KDM4C: variants seen among roughly 807,000 people sequenced by gnomAD.
The protein encoded by KDM4C is lysine-specific demethylase 4C.
Under a neutral mutation model 129.3 loss-of-function variants are expected in KDM4C, and 81 were observed. That is an observed-to-expected ratio of 0.63 (90% CI 0.52 to 0.75). The LOEUF is 0.75. KDM4C is among the 30% of genes least tolerant of loss of function. The pLI is 0.00. For missense variants in KDM4C, 1,457 were observed against 1,304.0 expected, an observed-to-expected ratio of 1.12 and a Z score of -1.81; for synonymous variants, 573 against 456.1, an observed-to-expected ratio of 1.26 and a Z score of -3.26.
intron 5 of KDM4C, among the ~76,000 whole-genome samples, chr9:6,853,066 C>G (rs1839148142): frequency 6.6e-6 from 1 of 151,906 alleles, no homozygotes; most frequent in African/African-American, 2.4e-5. Flanking sequence ...GAATCATCAG[C>G]ACTTAACACA....
chr9:6,803,202 G>C (rs1829332367), intron 2 of KDM4C, among the ~76,000 whole-genome samples: 1 of 152,068 alleles, frequency 6.6e-6, no homozygotes, highest in African/African-American at 2.4e-5. Flanking sequence ...TGTTTGCTTT[G>C]TAATAATTCA....
intron 3 of KDM4C, among the ~76,000 whole-genome samples, chr9:6,811,818 T>G (rs537435622): frequency 4.6e-5 from 7 of 152,206 alleles, no homozygotes; most frequent in African/African-American, 1.2e-4. Flanking sequence ...GCCCTGGAGC[T>G]CACCTCTTAA....
At chr9:6,782,498 A>G (rs1276629616) in intron 1 of KDM4C, among the ~76,000 whole-genome samples, 1 of 152,172 alleles carries the variant, frequency 6.6e-6, no homozygotes, top group Non-Finnish European at 1.5e-5. Context: ...GATTTAATTA[A>G]GAGAATGAAC....
intron 15 of KDM4C, among the ~76,000 whole-genome samples, chr9:7,044,518 G>A (rs1829098581): frequency 6.6e-6 from 1 of 151,940 alleles, no homozygotes; most frequent in Admixed American, 6.6e-5. Flanking sequence ...AGAACAGGGT[G>A]GATTTGGAGG....
At chr9:6,940,751 A>T (rs539691730) in intron 8 of KDM4C, among the ~76,000 whole-genome samples, 1 of 152,216 alleles carries the variant, frequency 6.6e-6, no homozygotes, top group African/African-American at 2.4e-5. Flanking sequence ...ATCATAAGAC[A>T]TGTAACTACC....
intron 8 of KDM4C, among the ~76,000 whole-genome samples, chr9:6,922,772 A>G (rs1821769352): frequency 6.6e-6 from 1 of 152,226 alleles, no homozygotes; most frequent in Non-Finnish European, 1.5e-5. Flanking sequence ...ACAGCCTTCC[A>G]ACATATCCTC....
intron 8 of KDM4C, among the ~76,000 whole-genome samples, chr9:6,948,935 C>A (rs1272426020): frequency 1.3e-5 from 2 of 152,092 alleles, no homozygotes; most frequent in South Asian, 2.1e-4. Context: ...CCCCACATTT[C>A]CCCCTTCTCT....
At chr9:6,778,751 A>G (rs749337791) in intron 1 of KDM4C, among the ~76,000 whole-genome samples, 4 of 151,256 alleles carry the variant, frequency 2.6e-5, no homozygotes, top group Non-Finnish European at 5.9e-5. Context: ...TGGGTAACAG[A>G]GCAAGACTCT....
At chr9:6,836,199 C>A (rs904423378) in intron 4 of KDM4C, among the ~76,000 whole-genome samples, 12 of 152,088 alleles carry the variant, frequency 7.9e-5, no homozygotes, top group African/African-American at 2.7e-4. Flanking sequence ...CGCCTGTAAT[C>A]CCAACACTTT....
chr9:6,837,496 T>G (rs1324603491), intron 4 of KDM4C, among the ~76,000 whole-genome samples: 2 of 152,234 alleles, frequency 1.3e-5, no homozygotes, highest in Non-Finnish European at 2.9e-5. Context: ...TTTAAAAGCT[T>G]CTTCATGCTG....
intron 1 of KDM4C, among the ~76,000 whole-genome samples, chr9:6,741,499 C>A (rs1222334554): frequency 6.6e-6 from 1 of 152,134 alleles, no homozygotes; most frequent in Non-Finnish European, 1.5e-5. Flanking sequence ...GTTCTTCATT[C>A]ATTTCTTATG....
At chr9:7,121,107 G>C (rs1434357857) in intron 18 of KDM4C, among the ~76,000 whole-genome samples, 5 of 152,152 alleles carry the variant, frequency 3.3e-5, no homozygotes, top group Non-Finnish European at 7.3e-5. Context: ...ATACATATCT[G>C]TGTGAGTGAC....
intron 1 of KDM4C, among the ~76,000 whole-genome samples, chr9:6,736,155 GA>G (rs1477673930): frequency 6.6e-6 from 1 of 152,130 alleles, no homozygotes; most frequent in Non-Finnish European, 1.5e-5. Context: ...TTCGCGTGGT[GA>G]CTTGGGTGCT....
chr9:6,742,888 C>A (rs890363784), intron 1 of KDM4C, among the ~76,000 whole-genome samples: 1 of 151,854 alleles, frequency 6.6e-6, no homozygotes, highest in Non-Finnish European at 1.5e-5. Flanking sequence ...TCTGGGGAGA[C>A]CCATGGGGTC....
At chr9:6,753,678 T>A (rs974067206), upstream of KDM4C, among the ~76,000 whole-genome samples, 2 of 152,088 alleles carry the variant, frequency 1.3e-5, no homozygotes, top group African/African-American at 4.8e-5. Flanking sequence ...TGTGCTGCAT[T>A]ATCCCATGGC....
At position 7,174,545 on chromosome 9, in the gene KDM4C, G is replaced by A. The variant is rs776578851; in HGVS notation, c.2995-8G>A. ...GCCCTTTTGCAATATAACACCAGCTGCTTTTAGTCCACAGCCTCTGACATG... is the reference window on the plus strand; with the variant it reads ...GCCCTTTTGCAATATAACACCAGCTACTTTTAGTCCACAGCCTCTGACATG... On this transcript the variant is annotated splice_polypyrimidine_tract_variant and splice_region_variant and intron_variant, in intron 21 of 21. Coordinates refer to ENST00000381309, the MANE Select transcript of KDM4C (RefSeq NM_015061.6). The A allele has an allele frequency of 6.2e-7, 1 of 1,613,736 alleles. No homozygotes were observed.
chr9:6,845,617 C>T (rs1299850226), intron 4 of KDM4C, among the ~76,000 whole-genome samples: 1 of 152,080 alleles, frequency 6.6e-6, no homozygotes, highest in East Asian at 1.9e-4. Flanking sequence ...CACCTGTGTG[C>T]AAAAATCGTG....
At chr9:7,173,975 C>T (rs983295490) in intron 21 of KDM4C, among the ~76,000 whole-genome samples, 2 of 152,092 alleles carry the variant, frequency 1.3e-5, no homozygotes, top group Non-Finnish European at 2.9e-5. Flanking sequence ...CGTAGTTGAG[C>T]AGATAGTTAA....
At chr9:6,960,763 A>G (rs1563890120) in intron 8 of KDM4C, among the ~76,000 whole-genome samples, 5 of 152,174 alleles carry the variant, frequency 3.3e-5, no homozygotes, top group African/African-American at 1.2e-4. Flanking sequence ...GCTTAGACCC[A>G]GTGCAGACAT....
Sources: allele counts gnomAD v4.1 joint callset (sites outside exome capture counted in the v4.1 genomes callset), GRCh38; gene constraint gnomAD v4.1.1; transcripts MANE v1.5; gene names NCBI Gene and HGNC (gene_info 2026-07-23, HGNC 2026-07-21).